The following OR2C1 variants were observed in gnomAD, a reference collection of about 807,000 sequenced individuals.
OR2C1 encodes the protein olfactory receptor 2C1.
For missense variants in OR2C1, 468 were observed against 388.3 expected (o/e 1.21, Z -1.73); for synonymous variants, 209 against 167.3 (o/e 1.25, Z -1.92).
At chr16:3,352,507 T>C (rs1357601846), upstream of OR2C1, among the ~76,000 whole-genome samples, 1 of 152,232 alleles carries the variant, frequency 6.6e-6, no homozygotes, top group African/African-American at 2.4e-5. Flanking sequence ...AACTTACTGA[T>C]GTCTCTTAGA....
the OR2C1 span, among the ~76,000 whole-genome samples, chr16:3,347,366 G>A: frequency 1.3e-5 from 2 of 151,482 alleles, no homozygotes; most frequent in African/African-American, 4.9e-5. Context: ...CTGCACTCCA[G>A]CCTAGGTGAT....
the OR2C1 span, among the ~76,000 whole-genome samples, chr16:3,345,451 A>G: frequency 6.6e-6 from 1 of 151,202 alleles, no homozygotes; most frequent in Admixed American, 6.6e-5. Context: ...GCAGCACTGC[A>G]CTCCAGCCTG....
At position 3,356,860 on chromosome 16, in the gene OR2C1, A is replaced by G. The variant is rs768075857; in HGVS notation, c.920A>G (p.Lys307Arg). The part of the protein sequence containing the change: ...VKGALRRLLG[K>R]GREVG ...GGCGCACTGAGGAGGTTGCTGGGGA[A>G]AGGAAGAGAAGTTGGCTGAGAGAAC... The change falls in exon 1 of 1, where the codon AAA becomes AGA. Residue 307 changes from lysine to arginine, a missense_variant. Transcript: ENST00000304936. 6.3e-7 allele frequency: 1 copy of G among 1,595,720 alleles called. No homozygotes were observed. The highest frequency in any genetic ancestry group is 1.1e-5 in the South Asian group (1 of 88,724).
At chr16:3,336,016 T>C in the OR2C1 span, among the ~76,000 whole-genome samples, 12 of 152,308 alleles carry the variant, frequency 7.9e-5, no homozygotes, top group Middle Eastern at 6.8e-3. Flanking sequence ...GGAAAGGCTT[T>C]CAGTTTTTCC....
At chr16:3,354,807 T>A (rs779133577), upstream of OR2C1, among the ~76,000 whole-genome samples, 4 of 152,158 alleles carry the variant, frequency 2.6e-5, no homozygotes, top group Non-Finnish European at 5.9e-5. Context: ...AGGGTCTCCC[T>A]CTGTCACTCA....
the OR2C1 span, among the ~76,000 whole-genome samples, chr16:3,350,760 A>G: frequency 6.6e-6 from 1 of 151,886 alleles, no homozygotes; most frequent in African/African-American, 2.4e-5. Flanking sequence ...CACAAAAGTC[A>G]TCTCTGGAAT....
At chr16:3,338,951 G>C in the OR2C1 span, among the ~76,000 whole-genome samples, 1 of 152,170 alleles carries the variant, frequency 6.6e-6, no homozygotes, top group Non-Finnish European at 1.5e-5. Context: ...GCTTCATCTA[G>C]TTCCAAAATA....
chr16:3,330,747 A>AT, the OR2C1 span, among the ~76,000 whole-genome samples: 1 of 151,786 alleles, frequency 6.6e-6, no homozygotes, highest in African/African-American at 2.4e-5. Flanking sequence ...CTAGCTATTT[A>AT]TTTTTATTTT....
the OR2C1 span, among the ~76,000 whole-genome samples, chr16:3,345,033 T>C: frequency 6.6e-6 from 1 of 152,240 alleles, no homozygotes; most frequent in South Asian, 2.1e-4. Flanking sequence ...AAGCTATATG[T>C]TCATCCCTAG....
Position 3,356,562 on chromosome 16 carries a change from G to T in OR2C1, c.622G>T (p.Ala208Ser). 2 of 1,614,124 alleles carry T rather than the reference G, an allele frequency of 1.2e-6. No homozygotes were observed. Among genetic ancestry groups the T allele is most frequent in the Non-Finnish European group, 1.7e-6 (2 of 1,180,034 alleles). ...VLNGVCTFFT[A>S]VPLSIIVISY... ...CAATGGTGTCTGCACCTTCTTCACTGCAGTCCCACTAAGCATCATCGTGAT... is the reference window on the plus strand; with the variant it reads ...CAATGGTGTCTGCACCTTCTTCACTTCAGTCCCACTAAGCATCATCGTGAT... Residue 208 changes from alanine (A) to serine (S), a missense_variant, in exon 1 of 1, where the codon GCA becomes TCA. Ala to Ser is a moderately conservative substitution (Grantham distance 99). Coordinates refer to ENST00000304936, the MANE Select transcript of OR2C1 (RefSeq NM_012368.3).
At chr16:3,332,013 G>A in the OR2C1 span, among the ~76,000 whole-genome samples, 4 of 149,022 alleles carry the variant, frequency 2.7e-5, no homozygotes, top group African/African-American at 9.9e-5. Flanking sequence ...ACTCATAGGT[G>A]GGAATTGAAC....
At chr16:3,323,371 C>T in the OR2C1 span, 1 of 1,034,694 alleles carries the variant, frequency 9.7e-7, no homozygotes, top group Non-Finnish European at 1.5e-6. Context: ...TGAGGTCTTC[C>T]AAGCAAATGA....
upstream of OR2C1, among the ~76,000 whole-genome samples, chr16:3,352,561 C>T (rs944773943): frequency 3.3e-5 from 5 of 151,422 alleles, no homozygotes; most frequent in African/African-American, 1.2e-4. Context: ...GTATTTTTTT[C>T]TTTCATTCAT....
chr16:3,327,878 A>C, the OR2C1 span, among the ~76,000 whole-genome samples: 9 of 152,172 alleles, frequency 5.9e-5, no homozygotes, highest in Admixed American at 5.2e-4. Flanking sequence ...ATGTGTAAAT[A>C]AATATTCAAA....
At chr16:3,339,380 G>A in the OR2C1 span, among the ~76,000 whole-genome samples, 1 of 151,862 alleles carries the variant, frequency 6.6e-6, no homozygotes, top group African/African-American at 2.4e-5. Context: ...ATAACTTGGA[G>A]TGGAATTGTG....
the OR2C1 span, among the ~76,000 whole-genome samples, chr16:3,343,662 G>T: frequency 1.1e-4 from 16 of 152,170 alleles, no homozygotes; most frequent in Non-Finnish European, 2.1e-4. Flanking sequence ...TAAGCAGGGA[G>T]AATTGCTTGA....
At chr16:3,348,203 G>C in the OR2C1 span, among the ~76,000 whole-genome samples, 206 of 152,284 alleles carry the variant, frequency 1.4e-3, 4 homozygotes, top group East Asian at 0.037. Flanking sequence ...ACAGTGCAGA[G>C]GAATGAGAAT....
At chr16:3,342,025 C>A in the OR2C1 span, among the ~76,000 whole-genome samples, 9 of 152,052 alleles carry the variant, frequency 5.9e-5, no homozygotes, top group Non-Finnish European at 8.8e-5. Flanking sequence ...TTACAATAGC[C>A]AAAAGTGGAA....
the OR2C1 span, among the ~76,000 whole-genome samples, chr16:3,339,581 C>G: frequency 2.6e-5 from 4 of 152,134 alleles, no homozygotes; most frequent in African/African-American, 9.7e-5. Context: ...CTCAGCCTCA[C>G]AAGTAGCTGG....
Sources: allele counts gnomAD v4.1 joint callset (sites outside exome capture counted in the v4.1 genomes callset), GRCh38; gene constraint gnomAD v4.1.1; transcripts MANE v1.5; gene names NCBI Gene and HGNC (gene_info 2026-07-23, HGNC 2026-07-21).